Variants in GALNT8 observed in about 807,000 individuals in gnomAD.
The protein encoded by GALNT8 is polypeptide N-acetylgalactosaminyltransferase 8, also known as probable polypeptide N-acetylgalactosaminyltransferase 8.
GALNT8 carries 66 observed loss-of-function variants against 62.7 expected under a neutral mutation model. The observed-to-expected ratio is 1.05, with a 90% confidence interval of 0.86 to 1.29. The LOEUF (loss-of-function observed/expected upper bound fraction) is 1.29. GALNT8 is among the 50% of genes most tolerant of loss of function. GALNT8 has a pLI of 0.00. For synonymous variants in GALNT8, 288 were observed against 294.3 expected (o/e 0.98, Z 0.22); for missense variants, 771 against 791.8 (o/e 0.97, Z 0.32).
intron 2 of GALNT8, 27 bp from the exon 3 acceptor site, chr12:4,739,136 A>G (rs766555747): frequency 3.7e-5 from 55 of 1,477,822 alleles, no homozygotes; most frequent in Non-Finnish European, 5.0e-5. Context: ...AAAAAAAATA[A>G]TATGTTATAA....
intron 10 of GALNT8, 41 bp downstream of exon 10, chr12:4,765,587 T>A: frequency 6.7e-7 from 1 of 1,501,098 alleles, no homozygotes; most frequent in Non-Finnish European, 9.2e-7. Flanking sequence ...TTTGTTTTGT[T>A]TTGTTTTGTT....
intron 6 of GALNT8, among the ~76,000 whole-genome samples, chr12:4,750,543 G>A (rs982338297): frequency 6.6e-5 from 10 of 151,994 alleles, no homozygotes; most frequent in South Asian, 2.1e-4. Flanking sequence ...ATGGCTGCAC[G>A]GTATTCCTTG....
chr12:4,770,520 C>G (rs1946419659), intron 10 of GALNT8, among the ~76,000 whole-genome samples: 1 of 151,828 alleles, frequency 6.6e-6, no homozygotes, highest in Admixed American at 6.6e-5. Context: ...TTTATTGTGA[C>G]CAATAATAAA....
At chr12:4,768,484 G>A (rs1363428269) in intron 10 of GALNT8, 1 of 353,958 alleles carries the variant, frequency 2.8e-6, no homozygotes, top group African/African-American at 2.1e-5. Flanking sequence ...CAAACATTTT[G>A]AAGGTTGCCT....
intron 2 of GALNT8, among the ~76,000 whole-genome samples, chr12:4,730,870 T>C (rs907607082): frequency 6.6e-5 from 10 of 150,700 alleles, no homozygotes; most frequent in African/African-American, 2.4e-4. Context: ...TCTTTTCTTT[T>C]TTTTTTTTTT....
At chr12:4,739,671 CT>C (rs1226244189) in intron 3 of GALNT8, among the ~76,000 whole-genome samples, 25 of 130,880 alleles carry the variant, frequency 1.9e-4, no homozygotes, top group East Asian at 2.2e-4. Context: ...TTTTCTTTTT[CT>C]TTTTTTTTTT....
At chr12:4,753,998 A>G (rs1265578526) in intron 6 of GALNT8, among the ~76,000 whole-genome samples, 1 of 152,206 alleles carries the variant, frequency 6.6e-6, no homozygotes, top group Non-Finnish European at 1.5e-5. Flanking sequence ...TACCAGGCAG[A>G]GACCCTTGTT....
In GALNT8 at chr12:4,726,492, G is replaced by C; in HGVS notation, c.212-40G>C. ...ATACCCAGGTAACTAAGGAGGGGCT[G>C]AAATGTTTTCTCTCCCACCCCTGTC... On this transcript the variant is annotated intron_variant, in intron 1 of 10. Transcript: ENST00000252318. The surrounding 1 kb of genome is among the most constrained non-coding windows in gnomAD (Gnocchi z 4.1). 1.3e-6 allele frequency: 2 copies of C among 1,486,980 alleles called. No homozygotes were observed. The highest frequency in any genetic ancestry group is 1.8e-6 in the Non-Finnish European group (2 of 1,084,872). 92.1% of individuals were successfully genotyped at this position (1,486,980 alleles called of 1,614,324 possible). A position where few individuals can be genotyped will look rare whatever the true frequency, so the allele number is the denominator to read the frequency against.
At chr12:4,745,364 T>C in intron 4 of GALNT8, 65 bp from the exon 5 acceptor site, 1 of 1,027,540 alleles carries the variant, frequency 9.7e-7, no homozygotes, top group Non-Finnish European at 1.5e-6. Flanking sequence ...GGAACAGCTT[T>C]ATCTGCTCTC....
chr12:4,762,368 C>A (rs1488477098), intron 7 of GALNT8, among the ~76,000 whole-genome samples: 3 of 152,178 alleles, frequency 2.0e-5, no homozygotes, highest in African/African-American at 7.2e-5. Context: ...AGGGCAGATA[C>A]ACAAGTGGTT....
rs761176369 is a variant in GALNT8 at position 4,745,487 on chromosome 12, T to A, written c.919T>A (p.Phe307Ile). 1 of 1,613,194 alleles carries A rather than the reference T, an allele frequency of 6.2e-7. No individual in the cohort carries two copies. Reference sequence around the variant, plus strand: ...CCGCACTGTGATTGTGTCTCCTGTGTTTGACAACATTCGTTTTGACACCTT... The same window carrying A: ...CCGCACTGTGATTGTGTCTCCTGTGATTGACAACATTCGTTTTGACACCTT... ...EDRTVIVSPV[F>I]DNIRFDTFKL... Residue 307 changes from phenylalanine to isoleucine, a missense_variant, in exon 5 of 11, where the codon TTT becomes ATT. Transcript: ENST00000252318.
rs537275921 is a variant in GALNT8 at position 4,745,617 on chromosome 12, C to T, written c.1049C>T (p.Ala350Val). 1.2e-5 allele frequency: 19 copies of T among 1,610,244 alleles called. No homozygotes were observed. In the East Asian group the frequency reaches 3.1e-4, roughly 26 times the overall value. The change falls in exon 5 of 11, where the codon GCC becomes GTC. Residue 350 changes from alanine to valine, a missense_variant. By Grantham distance (64) the Ala-to-Val change is moderately conservative (BLOSUM62 0). Coordinates refer to ENST00000252318, the MANE Select transcript of GALNT8 (RefSeq NM_017417.2). The part of the protein sequence containing the change: ...QAWIDLHDVT[A>V]PVKSPSIMGI... ...TGGATTGATCTGCATGATGTCACTG[C>T]CCCAGTGAAGTAAGTCTGAGGAGAT... is the stretch of plus-strand genomic sequence containing the variant.
chr12:4,724,144 G>A lies in GALNT8; in HGVS notation c.212-2388G>A, dbSNP rs190897041. ...AGCCCGGGTGACAGAGCGAGACTCCGTCTCAAAAAAAAAAAAAAAAAAAAA... is the reference window on the plus strand; with the variant it reads ...AGCCCGGGTGACAGAGCGAGACTCCATCTCAAAAAAAAAAAAAAAAAAAAA... On this transcript the variant is annotated intron_variant, in intron 1 of 10. Transcript: ENST00000252318. Among the ~76,000 whole-genome samples the A allele has an allele frequency of 9.8e-3, 831 of 84,444 alleles. 7 individuals are homozygous for A. The highest frequency in any genetic ancestry group is 0.056 in the Middle Eastern group (4 of 72). The allele number at this position is 84,444 out of a possible 152,430, so 55.4% of individuals were successfully genotyped here.
At chr12:4,772,410 T>C (rs879943765) in intron 10 of GALNT8, 35 bp from the exon 11 acceptor site, 2 of 1,600,482 alleles carry the variant, frequency 1.2e-6, no homozygotes, top group Non-Finnish European at 1.7e-6. Flanking sequence ...ACTGAGGCAT[T>C]TCAGCACCTT....
chr12:4,726,512 C>A lies in GALNT8; in HGVS notation c.212-20C>A. 6.3e-7 allele frequency: 1 copy of A among 1,592,284 alleles called. No individual in the cohort carries two copies. Among genetic ancestry groups the A allele is most frequent in the South Asian group, 1.1e-5 (1 of 88,354 alleles). On this transcript the variant is annotated intron_variant, in intron 1 of 10. Transcript: ENST00000252318. This position sits in a 1 kb window ranked among gnomAD's most constrained non-coding sequence, Gnocchi z 4.1. ...GGGCTGAAATGTTTTCTCTCCCACC[C>A]CTGTCCTCTTCATTTGCAGAAGAAA... is the stretch of plus-strand genomic sequence containing the variant.
intron 3 of GALNT8, among the ~76,000 whole-genome samples, chr12:4,742,612 G>A (rs907478697): frequency 1.3e-5 from 2 of 152,160 alleles, no homozygotes; most frequent in South Asian, 4.1e-4. Context: ...ACGGTGTGGG[G>A]GTGTGGGGTG....
chr12:4,745,133 C>T (rs552582395), intron 4 of GALNT8, among the ~76,000 whole-genome samples: 9 of 152,258 alleles, frequency 5.9e-5, no homozygotes, highest in Admixed American at 1.3e-4. Context: ...CAAGAGATAA[C>T]GTAAATTCAA....
At chr12:4,756,327 G>A (rs1437552373) in intron 6 of GALNT8, among the ~76,000 whole-genome samples, 1 of 152,192 alleles carries the variant, frequency 6.6e-6, no homozygotes, top group African/African-American at 2.4e-5. Context: ...GAGACAGACA[G>A]ACTTAAGTCA....
In GALNT8 at chr12:4,745,376, C is replaced by G. The variant is rs187223127; in HGVS notation, c.861-53C>G. 1,673 of 1,140,020 alleles carry G rather than the reference C, an allele frequency of 1.5e-3. 24 individuals carry two copies. The African/African-American group carries it at 0.023, about 16-fold the overall frequency. 70.6% of individuals were successfully genotyped at this position (1,140,020 alleles called of 1,614,324 possible). A position where few individuals can be genotyped will look rare whatever the true frequency, so the allele number is the denominator to read the frequency against. On this transcript the variant is annotated intron_variant, in intron 4 of 10. Coordinates refer to ENST00000252318, the MANE Select transcript of GALNT8 (RefSeq NM_017417.2). ...CTTGGAACAGCTTTATCTGCTCTCCCCTACTGCTTGTCCTCATATCCAAGC... is the reference window on the plus strand; with the variant it reads ...CTTGGAACAGCTTTATCTGCTCTCCGCTACTGCTTGTCCTCATATCCAAGC...
Sources: gnomAD v4.1 joint callset for allele counts (sites outside exome capture counted in the v4.1 genomes callset) on GRCh38, gnomAD v4.1.1 for gene constraint, Gnocchi (gnomAD v3.1) non-coding constraint, MANE v1.5 for transcripts, NCBI Gene and HGNC (gene_info 2026-07-23, HGNC 2026-07-21) for gene names.